Variants in TNRC18 observed in about 807,000 individuals in gnomAD.
TNRC18 encodes trinucleotide repeat-containing gene 18 protein.
Under a neutral mutation model 226.7 loss-of-function variants are expected in TNRC18, and 69 were observed. That is an observed-to-expected ratio of 0.30 (90% CI 0.25 to 0.37). The LOEUF is 0.37. TNRC18 is among the 10% of genes least tolerant of loss of function. The pLI, the probability that TNRC18 is intolerant of heterozygous loss-of-function variation, is 1.00. For synonymous variants in TNRC18, 2,449 were observed against 1,927.6 expected (o/e 1.27, Z -7.09); for missense variants, 4,754 against 4,256.6 (o/e 1.12, Z -3.25).
Position 5,312,426 on chromosome 7 carries a change from A to G in TNRC18, c.8388+77T>C, listed in dbSNP as rs563898090. 9.8e-6 allele frequency: 15 copies of G among 1,536,674 alleles called. No individual in the cohort carries two copies. The African/African-American group carries it at 1.8e-4, about 18-fold the overall frequency. ...GGGAGGTTACCACACACGGAGACAC[A>G]GCATGAAGCCGTGGGCCCAGCAGAG... On this transcript the variant is annotated intron_variant, in intron 27 of 29. Coordinates refer to ENST00000430969, the MANE Select transcript of TNRC18 (RefSeq NM_001080495.3). The surrounding 1 kb of genome is among the most constrained non-coding windows in gnomAD (Gnocchi z 6.3).
chr7:5,382,706 G>A (rs1275718764), intron 5 of TNRC18, among the ~76,000 whole-genome samples: 1 of 152,090 alleles, frequency 6.6e-6, no homozygotes, highest in Admixed American at 6.5e-5. Flanking sequence ...AGAGGTGATG[G>A]GCCAGTGAAG....
In TNRC18 at chr7:5,377,439, T is replaced by C. The variant is rs1311353440; in HGVS notation, c.2393A>G (p.His798Arg). The part of the protein sequence containing the change: ...SGRWSADPAA[H>R]LATHPWLPRS... ...GGGCAACCAGGGGTGCGTGGCCAGA[T>C]GGGCTGCGGGGTCGGCAGACCAGCG... The change falls in exon 7 of 30, where the codon CAT (histidine) becomes CGT (arginine). Residue 798 changes from histidine (H) to arginine (R), a missense_variant. Physicochemically the swap from His to Arg is conservative, Grantham distance 29 (BLOSUM62 0). Coordinates refer to ENST00000430969, the MANE Select transcript of TNRC18 (RefSeq NM_001080495.3). This position sits in a 1 kb window ranked among gnomAD's most constrained non-coding sequence, Gnocchi z 5.8. The C allele has an allele frequency of 3.1e-6, 5 of 1,591,694 alleles. No individual in the cohort carries two copies. Among genetic ancestry groups the C allele is most frequent in the South Asian group, 1.1e-5 (1 of 87,734 alleles).
chr7:5,324,347 G>C lies in TNRC18; in HGVS notation c.6309C>G (p.Gly2103=). Residue 2103 remains glycine (G), a synonymous_variant, in exon 21 of 30, where the codon GGC becomes GGG. Coordinates refer to ENST00000430969, the MANE Select transcript of TNRC18 (RefSeq NM_001080495.3). The surrounding 1 kb of genome is among the most constrained non-coding windows in gnomAD (Gnocchi z 4.8). ...TCAGCTTGCTCACGGCACCCCCCTT[G>C]CCGCGGTTCTGGGGACAGAACATGG... ...KGKEVKKENR[G]KGGAVSKLME... 6.2e-7 allele frequency: 1 copy of C among 1,613,430 alleles called. No homozygotes were observed. The highest frequency in any genetic ancestry group is 1.7e-4 in the Middle Eastern group (1 of 6,044).
intron 19 of TNRC18, among the ~76,000 whole-genome samples, chr7:5,327,768 GAA>G (rs1789086838): frequency 6.6e-6 from 1 of 152,010 alleles, no homozygotes; most frequent in Non-Finnish European, 1.5e-5. Flanking sequence ...AAGTAAATAA[GAA>G]AATAACTTCC....
At chr7:5,387,639 C>G in intron 5 of TNRC18, 33 bp downstream of exon 5, 2 of 1,599,596 alleles carry the variant, frequency 1.3e-6, no homozygotes, top group Non-Finnish European at 1.7e-6. Context: ...GACCCAAGAT[C>G]CTACCCGCAC....
At chr7:5,338,706 A>T (rs1047631493) in intron 18 of TNRC18, among the ~76,000 whole-genome samples, 1 of 151,540 alleles carries the variant, frequency 6.6e-6, no homozygotes, top group Non-Finnish European at 1.5e-5. Flanking sequence ...AGATCACGTG[A>T]GGTCGGGAGT....
intron 3 of TNRC18, among the ~76,000 whole-genome samples, chr7:5,393,462 C>G (rs183389158): frequency 6.6e-6 from 1 of 152,176 alleles, no homozygotes; most frequent in Non-Finnish European, 1.5e-5. Context: ...ACACAGCAGC[C>G]GCAGGATTCG....
chr7:5,417,054 T>C (rs900725620), intron 2 of TNRC18, among the ~76,000 whole-genome samples: 2 of 150,914 alleles, frequency 1.3e-5, no homozygotes, highest in Non-Finnish European at 3.0e-5. Context: ...TCCCAGCACT[T>C]TGGGAGGCCA....
chr7:5,336,652 G>GA (rs1402128021), intron 18 of TNRC18, among the ~76,000 whole-genome samples: 1 of 152,142 alleles, frequency 6.6e-6, no homozygotes, highest in African/African-American at 2.4e-5. Flanking sequence ...AGAGGTGGGA[G>GA]GATCACCTGA....
chr7:5,406,101 C>T (rs1384718503), intron 2 of TNRC18, among the ~76,000 whole-genome samples: 2 of 152,052 alleles, frequency 1.3e-5, no homozygotes, highest in African/African-American at 2.4e-5. Context: ...AAGGACAATC[C>T]GATACATTCC....
chr7:5,345,768 T>G lies in TNRC18; in HGVS notation c.5513A>C (p.Glu1838Ala). The part of the protein sequence containing the change: ...EEEDEEEELE[E>A]EDEASGGGYR... Reference sequence around the variant, plus strand: ...GCCACCACCGCTGGCCTCGTCCTCCTCCTCGAGCTCCTCCTCCTCGTCCTC... The same window carrying G: ...GCCACCACCGCTGGCCTCGTCCTCCGCCTCGAGCTCCTCCTCCTCGTCCTC... Residue 1838 changes from glutamate (E) to alanine (A), a missense_variant, in exon 18 of 30, where the codon GAG becomes GCG. Coordinates refer to ENST00000430969, the MANE Select transcript of TNRC18 (RefSeq NM_001080495.3). The G allele has an allele frequency of 6.5e-7, 1 of 1,546,742 alleles. No homozygotes were observed. Among genetic ancestry groups the G allele is most frequent in the Non-Finnish European group, 8.7e-7 (1 of 1,146,798 alleles).
At chr7:5,379,195 C>T (rs1451669417) in intron 5 of TNRC18, among the ~76,000 whole-genome samples, 4 of 146,690 alleles carry the variant, frequency 2.7e-5, no homozygotes, top group South Asian at 2.2e-4. Context: ...AATAAGACTC[C>T]GTCAAAAAAA....
chr7:5,313,456 C>T lies in TNRC18; in HGVS notation c.7435G>A (p.Glu2479Lys), dbSNP rs1486782453. ...GGATCCTCCCGGAGCAGCAGGGCCT[C>T]TTTAGCCTTCTTGCTTTTGGGTGAC... Reference protein sequence around the residue: ...VTSPKSKKAKEALLLREDPGA... With the variant: ...VTSPKSKKAKKALLLREDPGA... The change falls in exon 27 of 30, where the codon GAG becomes AAG. Residue 2479 changes from glutamate (E) to lysine (K), a missense_variant. Transcript: ENST00000430969. The T allele has an allele frequency of 1.1e-5, 17 of 1,612,794 alleles. No individual in the cohort carries two copies. Among genetic ancestry groups the T allele is most frequent in the Non-Finnish European group, 1.4e-5 (17 of 1,179,448 alleles).
intron 16 of TNRC18, among the ~76,000 whole-genome samples, chr7:5,353,370 G>A (rs995386248): frequency 3.3e-5 from 5 of 151,908 alleles, no homozygotes; most frequent in Admixed American, 2.6e-4. Flanking sequence ...AACCCCGTCT[G>A]TATTTTTAAA....
intron 2 of TNRC18, among the ~76,000 whole-genome samples, chr7:5,402,640 G>A (rs1345224113): frequency 6.6e-6 from 1 of 152,116 alleles, no homozygotes; most frequent in African/African-American, 2.4e-5. Context: ...GATCACCTGA[G>A]GTCAAGAGTT....
chr7:5,369,420 C>A (rs926710595), intron 11 of TNRC18, among the ~76,000 whole-genome samples: 11 of 152,102 alleles, frequency 7.2e-5, no homozygotes, highest in African/African-American at 2.4e-4. Context: ...AGTGTTTTTG[C>A]CAAAGCTAGC....
intron 18 of TNRC18, among the ~76,000 whole-genome samples, chr7:5,342,799 C>T (rs1482228604): frequency 6.6e-6 from 1 of 152,178 alleles, no homozygotes; most frequent in Non-Finnish European, 1.5e-5. Context: ...AGGTAAAACG[C>T]TATCACAGTA....
chr7:5,335,605 GAAAAAAA>G (rs60546145), intron 18 of TNRC18, among the ~76,000 whole-genome samples: 2 of 126,814 alleles, frequency 1.6e-5, no homozygotes, highest in African/African-American at 3.0e-5. Flanking sequence ...ACTCCGTCTA[GAAAAAAA>G]AAAAAAAAAA....
chr7:5,410,400 T>C (rs13235546), intron 2 of TNRC18, among the ~76,000 whole-genome samples: 1,635 of 149,822 alleles, frequency 0.011, 16 homozygotes, highest in Non-Finnish European at 0.017. Context: ...CTAGAGAGAA[T>C]AGCAAAAATA....
Sources: allele counts gnomAD v4.1 joint callset (sites outside exome capture counted in the v4.1 genomes callset), GRCh38; gene constraint gnomAD v4.1.1; non-coding constraint Gnocchi (gnomAD v3.1); transcripts MANE v1.5; gene names NCBI Gene and HGNC (gene_info 2026-07-23, HGNC 2026-07-21).